NEDD4: variants seen among roughly 807,000 people sequenced by gnomAD.
NEDD4 encodes NEDD4 E3 ubiquitin protein ligase, also known as E3 ubiquitin-protein ligase NEDD4.
NEDD4 carries 99 observed loss-of-function variants against 144.9 expected under a neutral mutation model. The observed-to-expected ratio is 0.68, with a 90% CI of 0.58 to 0.81. The LOEUF (loss-of-function observed/expected upper bound fraction) is 0.81. Ranked by LOEUF, NEDD4 falls within the 30% of genes least tolerant of loss-of-function variation. NEDD4 has a pLI of 0.00. For synonymous variants in NEDD4, 318 were observed against 350.6 expected (o/e 0.91, Z 1.04); for missense variants, 985 against 1,065.9 (o/e 0.92, Z 1.06).
intron 2 of NEDD4, among the ~76,000 whole-genome samples, chr15:55,959,601 C>A (rs1436074551): frequency 6.6e-6 from 1 of 152,152 alleles, no homozygotes; most frequent in Non-Finnish European, 1.5e-5. Context: ...TTCTAACCAA[C>A]AGATTATGGC....
intron 4 of NEDD4, among the ~76,000 whole-genome samples, chr15:55,932,352 G>A (rs1054585738): frequency 6.6e-6 from 1 of 152,046 alleles, no homozygotes; most frequent in African/African-American, 2.4e-5. Flanking sequence ...TAGAGCCCTC[G>A]GAAATAATAC....
intron 5 of NEDD4, among the ~76,000 whole-genome samples, chr15:55,914,261 G>GTT (rs1300492796): frequency 2.0e-5 from 3 of 151,148 alleles, no homozygotes; most frequent in African/African-American, 7.3e-5. Context: ...ACAGATTAAG[G>GTT]TTTTTTCCCC....
intron 2 of NEDD4, among the ~76,000 whole-genome samples, chr15:55,960,595 C>T (rs1225330010): frequency 1.3e-5 from 2 of 152,190 alleles, no homozygotes; most frequent in Non-Finnish European, 1.5e-5. Context: ...CCGCAGCTTG[C>T]AGATGGCCAA....
intron 1 of NEDD4, among the ~76,000 whole-genome samples, chr15:55,992,626 T>C (rs1482822385): frequency 2.0e-5 from 3 of 152,160 alleles, no homozygotes; most frequent in East Asian, 3.9e-4. Flanking sequence ...CCTTTTCATC[T>C]CCCACCCATT....
At chr15:55,910,348 C>T (rs1284919860) in intron 5 of NEDD4, among the ~76,000 whole-genome samples, 2 of 152,040 alleles carry the variant, frequency 1.3e-5, no homozygotes, top group African/African-American at 4.8e-5. Context: ...ACTGACACAT[C>T]CAGTGGATAC....
At chr15:55,838,035 T>A in intron 23 of NEDD4, 72 bp downstream of exon 23, 1 of 1,017,144 alleles carries the variant, frequency 9.8e-7, no homozygotes, top group Non-Finnish European at 1.5e-6. Context: ...CAGAGAAAGA[T>A]GGTAAGAAGA....
intron 5 of NEDD4, among the ~76,000 whole-genome samples, chr15:55,911,657 G>A (rs2036279243): frequency 2.0e-5 from 3 of 151,792 alleles, no homozygotes; most frequent in African/African-American, 7.3e-5. Context: ...AGCCTCCCGT[G>A]TAGCTGGGAC....
intron 5 of NEDD4, among the ~76,000 whole-genome samples, chr15:55,924,007 T>G (rs976161977): frequency 6.6e-6 from 1 of 152,134 alleles, no homozygotes; most frequent in Non-Finnish European, 1.5e-5. Context: ...GGGTTTGAGA[T>G]TGGATCCTCA....
intron 1 of NEDD4, among the ~76,000 whole-genome samples, chr15:55,980,779 AGT>A (rs1485678241): frequency 4.0e-5 from 6 of 151,856 alleles, no homozygotes; most frequent in African/African-American, 1.2e-4. Context: ...ATTCATTTTT[AGT>A]GTGTGTGTAG....
At chr15:55,946,416 T>C (rs1177885297) in intron 4 of NEDD4, among the ~76,000 whole-genome samples, 1 of 152,158 alleles carries the variant, frequency 6.6e-6, no homozygotes, top group Non-Finnish European at 1.5e-5. Context: ...AAGAAAGCCA[T>C]TACATAATGG....
rs1408743160 is a variant in NEDD4, at chr15:55,874,016, AGAAG to A, written c.292-12_292-9del. ...TAGGAAATCATCTCTTGTCTATAAGAGAAGGAAGAAAAAATATAATTAGTAATAC... is the reference window on the plus strand; with the variant it reads ...TAGGAAATCATCTCTTGTCTATAAGAGAAGAAAAAATATAATTAGTAATAC... On this transcript the variant is annotated splice_polypyrimidine_tract_variant and intron_variant, in intron 5 of 28. Transcript: ENST00000435532. The A allele has an allele frequency of 9.4e-6, 14 of 1,486,514 alleles. No individual in the cohort carries two copies. In the East Asian group the frequency reaches 3.4e-4, roughly 37 times the overall value. The allele number at this position is 1,486,514 out of a possible 1,614,324, so 92.1% of individuals were successfully genotyped here. A position where few individuals can be genotyped will look rare whatever the true frequency, so the allele number is the denominator to read the frequency against.
chr15:55,972,255 T>A (rs2037623784), intron 1 of NEDD4, among the ~76,000 whole-genome samples: 1 of 152,154 alleles, frequency 6.6e-6, no homozygotes, highest in South Asian at 2.1e-4. Flanking sequence ...TTGTGGTGTG[T>A]AAACTCATAT....
At chr15:55,981,509 G>A (rs2037803668) in intron 1 of NEDD4, among the ~76,000 whole-genome samples, 2 of 152,134 alleles carry the variant, frequency 1.3e-5, no homozygotes, top group Admixed American at 1.3e-4. Flanking sequence ...AATATAAGTG[G>A]AAGATCACCC....
chr15:55,935,340 T>G (rs1240773800), intron 4 of NEDD4, among the ~76,000 whole-genome samples: 1 of 152,166 alleles, frequency 6.6e-6, no homozygotes, highest in Non-Finnish European at 1.5e-5. Context: ...GCTAAAAGAA[T>G]TATAATTTTA....
intron 5 of NEDD4, chr15:55,915,398 T>C (rs2036403348): frequency 2.5e-6 from 4 of 1,613,830 alleles, no homozygotes; most frequent in Non-Finnish European, 3.4e-6. Context: ...ATGGTCCCCC[T>C]TTAGAACAAT....
chr15:55,986,712 C>T (rs1360452619), intron 1 of NEDD4, among the ~76,000 whole-genome samples: 7 of 151,412 alleles, frequency 4.6e-5, no homozygotes, highest in Non-Finnish European at 7.4e-5. Context: ...GCCTCAGCCT[C>T]CCGAGTAGCT....
At chr15:55,897,708 A>G (rs916726206) in intron 5 of NEDD4, among the ~76,000 whole-genome samples, 3 of 152,144 alleles carry the variant, frequency 2.0e-5, no homozygotes, top group Non-Finnish European at 4.4e-5. Flanking sequence ...TTCCCTGCCC[A>G]TGTGTCCTCC....
At chr15:55,843,278 T>C (rs1475984791) in intron 18 of NEDD4, among the ~76,000 whole-genome samples, 1 of 152,242 alleles carries the variant, frequency 6.6e-6, no homozygotes, top group Non-Finnish European at 1.5e-5. Flanking sequence ...TACCCTGGAA[T>C]GGCAGGTTAA....
intron 4 of NEDD4, among the ~76,000 whole-genome samples, chr15:55,931,919 C>G (rs997990420): frequency 7.2e-5 from 11 of 152,216 alleles, no homozygotes; most frequent in Non-Finnish European, 1.5e-4. Context: ...CATTTTCCCT[C>G]AACCTTCCCA....
Sources: allele counts gnomAD v4.1 joint callset (sites outside exome capture counted in the v4.1 genomes callset), GRCh38; gene constraint gnomAD v4.1.1; transcripts MANE v1.5; gene names NCBI Gene and HGNC (gene_info 2026-07-23, HGNC 2026-07-21).